ZNF565: variants seen among roughly 807,000 people sequenced by gnomAD.
ZNF565 encodes the protein zinc finger protein 565.
In ZNF565, 27 loss-of-function variants were observed where a neutral mutation model predicts 39.4. That is an observed-to-expected ratio of 0.69 (90% CI 0.51 to 0.95). The LOEUF (loss-of-function observed/expected upper bound fraction) is 0.95. Among genes scored for constraint, ZNF565 ranks in the 40% least tolerant of loss-of-function variants. The probability of loss-of-function intolerance (pLI) is 0.00; values close to 1 mark genes in which losing one functional copy is unlikely to be tolerated. For synonymous variants in ZNF565, 185 were observed against 216.6 expected (o/e 0.85, Z 1.28); for missense variants, 524 against 621.1 (o/e 0.84, Z 1.66).
rs892313532 is a variant in ZNF565 at position 36,182,495 on chromosome 19, T to C, written c.1471A>G (p.Ile491Val). Residue 491 changes from isoleucine to valine, a missense_variant, in exon 5 of 5, where the codon ATT becomes GTT. Transcript: ENST00000304116. ...GQAFILGSQLIEHYRIHTG is the reference protein window; with the variant it reads ...GQAFILGSQLVEHYRIHTG ...CCAGTATGAATTCTGTAGTGTTCAA[T>C]GAGTTGTGAGCCAAGAATAAATGCC... is the stretch of plus-strand genomic sequence containing the variant. The C allele has an allele frequency of 5.5e-5, 87 of 1,585,568 alleles. No individual in the cohort carries two copies. Among genetic ancestry groups the C allele is most frequent in the Non-Finnish European group, 7.1e-5 (83 of 1,166,576 alleles).
intron 1 of ZNF565, among the ~76,000 whole-genome samples, chr19:36,225,417 G>A (rs1199391185): frequency 1.3e-5 from 2 of 152,000 alleles, no homozygotes; most frequent in Admixed American, 1.3e-4. Flanking sequence ...ATCTTTTGTG[G>A]TCTATTTATA....
At chr19:36,208,556 C>G (rs1406912535) in intron 1 of ZNF565, among the ~76,000 whole-genome samples, 1 of 152,128 alleles carries the variant, frequency 6.6e-6, no homozygotes. Context: ...AACATCAAAA[C>G]TTTGTACAAA....
Position 36,228,277 on chromosome 19 carries a change from C to T in ZNF565, c.55+17199G>A, listed in dbSNP as rs1017444113. Among the ~76,000 whole-genome samples, 3 of 146,090 alleles carry T rather than the reference C, an allele frequency of 2.1e-5. No homozygotes were observed. In the Admixed American group the frequency reaches 2.1e-4, roughly 10 times the overall value. The stretch of plus-strand genomic sequence containing the variant: ...GAGTACTGTCAGAACAACTTCTTCA[C>T]ATTGTGCCCATGTGCTTTAGTTCTG... On this transcript the variant is annotated intron_variant, in intron 1 of 4. Transcript: ENST00000355114.
chr19:36,183,554 C>T lies in ZNF565; in HGVS notation c.412G>A (p.Val138Met). ...QVNEECYFKQ[V>M]NVTYGHMPVF... ...GGCATATGTCCATAGGTGACGTTCA[C>T]TTGCTTAAAATAGCACTCTTCATTG... The change falls in exon 5 of 5, where the codon GTG (valine) becomes ATG (methionine). Residue 138 changes from valine to methionine, a missense_variant. Coordinates refer to ENST00000304116, the MANE Select transcript of ZNF565 (RefSeq NM_152477.5). 1 of 1,614,214 alleles carries T rather than the reference C, an allele frequency of 6.2e-7. No homozygotes were observed.
chr19:36,208,387 A>T (rs1186059875), intron 1 of ZNF565, among the ~76,000 whole-genome samples: 4 of 151,948 alleles, frequency 2.6e-5, no homozygotes, highest in Non-Finnish European at 4.4e-5. Context: ...TTTTGTAAAG[A>T]CAGGGTCTCA....
chr19:36,193,597 C>T (rs762751316), intron 4 of ZNF565, among the ~76,000 whole-genome samples: 2 of 151,790 alleles, frequency 1.3e-5, no homozygotes, highest in African/African-American at 2.4e-5. Context: ...CCTACCACCA[C>T]ACCCGGCTAA....
At chr19:36,220,154 T>C (rs1480203983) in intron 1 of ZNF565, among the ~76,000 whole-genome samples, 1 of 152,190 alleles carries the variant, frequency 6.6e-6, no homozygotes, top group Non-Finnish European at 1.5e-5. Context: ...TGGTTCCTTT[T>C]ATTGGAGAAT....
chr19:36,206,340 A>G (rs1027712869), intron 1 of ZNF565, among the ~76,000 whole-genome samples: 1 of 152,022 alleles, frequency 6.6e-6, no homozygotes, highest in Non-Finnish European at 1.5e-5. Flanking sequence ...TGGGCACAGT[A>G]GCTCACTCCT....
intron 4 of ZNF565, 131 bp downstream of exon 4, chr19:36,194,102 C>A: frequency 1.6e-6 from 1 of 636,776 alleles, no homozygotes; most frequent in Non-Finnish European, 2.6e-6. Context: ...AGTCTTTACT[C>A]GCCACATCTT....
intron 1 of ZNF565, among the ~76,000 whole-genome samples, chr19:36,203,768 G>T (rs868471754): frequency 6.6e-6 from 1 of 151,788 alleles, no homozygotes; most frequent in Admixed American, 6.6e-5. Context: ...GTAGAGACGC[G>T]GTTTCACCAT....
At chr19:36,197,011 T>A (rs1420699726) in intron 2 of ZNF565, among the ~76,000 whole-genome samples, 1 of 149,434 alleles carries the variant, frequency 6.7e-6, no homozygotes, top group African/African-American at 2.5e-5. Context: ...TGCTGATTTG[T>A]GCCACCACAC....
chr19:36,222,218 C>G (rs572470896), intron 1 of ZNF565, among the ~76,000 whole-genome samples: 1 of 152,224 alleles, frequency 6.6e-6, no homozygotes, highest in Non-Finnish European at 1.5e-5. Flanking sequence ...GCCACTGCAC[C>G]CAGCCAAGGT....
intron 4 of ZNF565, among the ~76,000 whole-genome samples, chr19:36,191,096 CTT>C (rs903262734): frequency 2.9e-5 from 4 of 138,626 alleles, no homozygotes; most frequent in Non-Finnish European, 3.1e-5. Flanking sequence ...ACAGCATATT[CTT>C]TTTTTTTTTT....
rs1021146616 is a variant in ZNF565 at position 36,245,446 on chromosome 19, C to T, written c.55+30G>A. The T allele has an allele frequency of 4.3e-6, 3 of 702,124 alleles. No individual in the cohort carries two copies. Among genetic ancestry groups the T allele is most frequent in the African/African-American group, 3.5e-5 (2 of 57,242 alleles). The allele number at this position is 702,124 out of a possible 1,614,324, so 43.5% of individuals were successfully genotyped here. ...ACCCAGAAAATCCGGATCACATTTC[C>T]CGTGGTCCACCGCGCATCTAGGAGG... On this transcript the variant is annotated intron_variant, in intron 1 of 4. Coordinates refer to the ZNF565 transcript ENST00000355114. The surrounding 1 kb of genome is among the most constrained non-coding windows in gnomAD (Gnocchi z 4.4).
chr19:36,235,211 A>C (rs539183089), intron 1 of ZNF565, among the ~76,000 whole-genome samples: 2 of 140,974 alleles, frequency 1.4e-5, no homozygotes, highest in Non-Finnish European at 3.1e-5. Flanking sequence ...CCGTCTCAAA[A>C]AAAAAAAAAG....
At chr19:36,202,838 T>C (rs931692898) in intron 1 of ZNF565, among the ~76,000 whole-genome samples, 3 of 152,138 alleles carry the variant, frequency 2.0e-5, no homozygotes, top group African/African-American at 7.2e-5. Flanking sequence ...GACTACACCA[T>C]GCATACCATA....
chr19:36,216,461 T>C (rs371091930), upstream of ZNF565, among the ~76,000 whole-genome samples: 7 of 152,054 alleles, frequency 4.6e-5, no homozygotes, highest in South Asian at 1.5e-3. Flanking sequence ...GCCAACATGG[T>C]GAAACCCTGT....
chr19:36,203,972 T>C (rs1189277479), intron 1 of ZNF565, among the ~76,000 whole-genome samples: 1 of 144,542 alleles, frequency 6.9e-6, no homozygotes, highest in African/African-American at 2.6e-5. Flanking sequence ...TTTTTTGAAA[T>C]GGGGTTTCAC....
intron 1 of ZNF565, chr19:36,236,742 A>C (rs1293390930): frequency 2.5e-6 from 4 of 1,614,206 alleles, no homozygotes; most frequent in African/African-American, 1.3e-5. Flanking sequence ...AAACCTTTTG[A>C]GTGTAAAGAT....
Sources: allele counts gnomAD v4.1 joint callset (sites outside exome capture counted in the v4.1 genomes callset), GRCh38; gene constraint gnomAD v4.1.1; non-coding constraint Gnocchi (gnomAD v3.1); transcripts MANE v1.5; gene names NCBI Gene and HGNC (gene_info 2026-07-23, HGNC 2026-07-21).